CGNL1: variants seen among roughly 807,000 people sequenced by gnomAD.
The protein encoded by CGNL1 is cingulin like 1, also known as cingulin-like protein 1.
In CGNL1, 132 loss-of-function variants were observed where a neutral mutation model predicts 141.2. The observed-to-expected ratio is 0.93, with a 90% confidence interval of 0.81 to 1.08. The LOEUF (loss-of-function observed/expected upper bound fraction) is 1.08, where lower values mean the gene tolerates loss of function less well. CGNL1 is among the 50% of genes least tolerant of loss of function. The probability of loss-of-function intolerance (pLI) is 0.00; values close to 1 mark genes in which losing one functional copy is unlikely to be tolerated. For synonymous variants in CGNL1, 690 were observed against 622.1 expected, an observed-to-expected ratio of 1.11 and a Z score of -1.63; for missense variants, 1,870 against 1,588.6, an observed-to-expected ratio of 1.18 and a Z score of -3.01.
intron 8 of CGNL1, among the ~76,000 whole-genome samples, chr15:57,476,388 C>G (rs1189703204): frequency 6.6e-6 from 1 of 152,192 alleles, no homozygotes; most frequent in African/African-American, 2.4e-5. Context: ...AACCATTTTC[C>G]TTATTCATTT....
intron 8 of CGNL1, 136 bp downstream of exon 8, chr15:57,462,028 C>A (rs776687679): frequency 1.4e-6 from 1 of 708,178 alleles, no homozygotes; most frequent in Non-Finnish European, 2.4e-6. Flanking sequence ...GGACACAGAG[C>A]TTATTAACAA....
At chr15:57,499,650 G>T (rs1231649481) in intron 8 of CGNL1, among the ~76,000 whole-genome samples, 1 of 152,222 alleles carries the variant, frequency 6.6e-6, no homozygotes, top group East Asian at 1.9e-4. Flanking sequence ...AGTGTGACCG[G>T]GCCGCAAATC....
chr15:57,546,866 G>A (rs2032899104), intron 18 of CGNL1, among the ~76,000 whole-genome samples: 1 of 152,092 alleles, frequency 6.6e-6, no homozygotes, highest in Non-Finnish European at 1.5e-5. Flanking sequence ...GGCTGCCCGG[G>A]TAGTTCTCAT....
chr15:57,449,371 C>G (rs1170908519), intron 4 of CGNL1, among the ~76,000 whole-genome samples: 1 of 152,172 alleles, frequency 6.6e-6, no homozygotes, highest in East Asian at 1.9e-4. Context: ...AGTTGCCACT[C>G]TGGACACTTT....
chr15:57,438,991 A>G lies in CGNL1; in HGVS notation c.992A>G (p.Asn331Ser), dbSNP rs781689683. The change falls in exon 2 of 19, where the codon AAC becomes AGC. Residue 331 changes from asparagine to serine, a missense_variant. Physicochemically the swap from Asn to Ser is conservative, Grantham distance 46. Coordinates refer to ENST00000281282, the MANE Select transcript of CGNL1 (RefSeq NM_032866.5). ...IHADNVNRHE[N>S]RRYIPFLPGT... ...GCCGACAACGTCAATCGTCATGAAA[A>G]CAGAAGGTATATTCCCTTCCTGCCA... 4 of 1,614,154 alleles carry G rather than the reference A, an allele frequency of 2.5e-6. No homozygotes were observed. The highest frequency in any genetic ancestry group is 3.4e-6 in the Non-Finnish European group (4 of 1,180,030).
intron 1 of CGNL1, chr15:57,405,828 TTTTC>T (rs2062714791): frequency 1.1e-5 from 1 of 92,828 alleles, no homozygotes; most frequent in Non-Finnish European, 2.3e-5. Flanking sequence ...CTTTCTTTCT[TTTTC>T]TTTCTTTTCT....
chr15:57,483,468 CTTTTT>C (rs60667956), intron 8 of CGNL1, among the ~76,000 whole-genome samples: 3 of 127,810 alleles, frequency 2.3e-5, no homozygotes, highest in Admixed American at 7.9e-5. Flanking sequence ...ACAAAGTTTT[CTTTTT>C]TTTTTTTTTT....
At chr15:57,528,548 G>A in intron 12 of CGNL1, 106 bp from the exon 13 acceptor site, 1 of 1,126,144 alleles carries the variant, frequency 8.9e-7, no homozygotes, top group Non-Finnish European at 1.3e-6. Flanking sequence ...TATTGTGGGA[G>A]TCCAGCTGAT....
intron 14 of CGNL1, among the ~76,000 whole-genome samples, chr15:57,538,019 C>T (rs191188959): frequency 2.6e-5 from 4 of 152,340 alleles, no homozygotes; most frequent in East Asian, 1.9e-4. Context: ...CGCCACCCCC[C>T]GCCCCAGGGC....
intron 1 of CGNL1, among the ~76,000 whole-genome samples, chr15:57,411,530 A>G (rs554108723): frequency 8.8e-5 from 13 of 148,254 alleles, no homozygotes; most frequent in African/African-American, 3.3e-4. Flanking sequence ...TGCAACCTCC[A>G]CCTACCAGGT....
rs776760588 is a variant in CGNL1 at position 57,546,075 on chromosome 15, G to T, written c.3610-1G>T. 2 of 1,612,282 alleles carry T rather than the reference G, an allele frequency of 1.2e-6. No homozygotes were observed. The highest frequency in any genetic ancestry group is 1.1e-5 in the South Asian group (1 of 90,780). On this transcript the variant is annotated splice_acceptor_variant, in intron 17 of 18. Coordinates refer to ENST00000281282, the MANE Select transcript of CGNL1 (RefSeq NM_032866.5). LOFTEE classifies it high-confidence loss of function. ...TCAGCCCACATTCTCTCCCGGTGCA[G>T]CTGAGCTTGCGTTTGAAAGCCATGA...
chr15:57,527,913 GTA>G (rs2031714301), intron 12 of CGNL1, among the ~76,000 whole-genome samples: 1 of 152,176 alleles, frequency 6.6e-6, no homozygotes. Flanking sequence ...TGGGAAACAT[GTA>G]TTTAGTTAAG....
intron 10 of CGNL1, among the ~76,000 whole-genome samples, chr15:57,518,722 T>A (rs570235853): frequency 1.1e-3 from 161 of 152,320 alleles, no homozygotes; most frequent in African/African-American, 3.5e-3. Context: ...ACTGGAGAGA[T>A]GCTACTGGCG....
rs550324322 is a variant in CGNL1, at chr15:57,544,565, G to C, written c.3468G>C (p.Ala1156=). Residue 1156 remains alanine, a synonymous_variant, in exon 16 of 19, where the codon GCG becomes GCC. Coordinates refer to ENST00000281282, the MANE Select transcript of CGNL1 (RefSeq NM_032866.5). The part of the protein sequence containing the change: ...GLVVQMEARI[A]ELEDRLESEE... ...TTGTGCAGATGGAGGCCAGGATCGC[G>C]GAGCTGGAGGACCGCCTGGAGAGTG... The C allele has an allele frequency of 1.3e-6, 2 of 1,598,694 alleles. No homozygotes were observed. The highest frequency in any genetic ancestry group is 4.5e-5 in the East Asian group (2 of 44,500).
intron 1 of CGNL1, among the ~76,000 whole-genome samples, chr15:57,416,379 C>T (rs1205970894): frequency 6.6e-6 from 1 of 152,066 alleles, no homozygotes; most frequent in East Asian, 1.9e-4. Flanking sequence ...GTTGGAACCT[C>T]AGCTCACCAC....
rs75935146 is a variant in CGNL1 at position 57,521,141 on chromosome 15, T to G, written c.2716-2348T>G. On this transcript the variant is annotated intron_variant, in intron 10 of 18. Transcript: ENST00000281282. ...CGTTTCACTCCTGATACTGTCCACA[T>G]GAAGGGTCGGAAAAATGCAAAGTTG... 2.0e-3 allele frequency among the ~76,000 whole-genome samples: 311 copies of G among 152,292 alleles called. 9 individuals are homozygous for G. The East Asian group carries it at 0.049, about 24-fold the overall frequency.
At chr15:57,500,368 C>T (rs1417630804) in intron 8 of CGNL1, among the ~76,000 whole-genome samples, 2 of 152,252 alleles carry the variant, frequency 1.3e-5, no homozygotes, top group African/African-American at 4.8e-5. Flanking sequence ...ATAGATGAAG[C>T]CCGAGGAGGA....
intron 1 of CGNL1, among the ~76,000 whole-genome samples, chr15:57,417,219 C>T (rs993555501): frequency 6.6e-6 from 1 of 152,054 alleles, no homozygotes; most frequent in Non-Finnish European, 1.5e-5. Context: ...GTTTATACTG[C>T]CCTTTCTTCC....
At chr15:57,547,277 A>C in intron 18 of CGNL1, 78 bp from the exon 19 acceptor site, 1 of 1,552,204 alleles carries the variant, frequency 6.4e-7, no homozygotes, top group Non-Finnish European at 8.8e-7. Context: ...ACAGCAACCC[A>C]AAACCCTCCC....
Sources: allele counts gnomAD v4.1 joint callset (sites outside exome capture counted in the v4.1 genomes callset), GRCh38; gene constraint gnomAD v4.1.1; transcripts MANE v1.5; gene names NCBI Gene and HGNC (gene_info 2026-07-23, HGNC 2026-07-21).